The following ABLIM2 variants were observed in gnomAD, a reference collection of about 807,000 sequenced individuals.
The protein encoded by ABLIM2 is actin-binding LIM protein 2.
A neutral mutation model predicts 97.7 loss-of-function variants in ABLIM2; 53 were observed. The ratio of observed to expected loss-of-function variants is 0.54; its 90% CI spans 0.44 to 0.68. ABLIM2 has a LOEUF of 0.68. ABLIM2 is among the 30% of genes least tolerant of loss of function. The pLI, the probability that ABLIM2 is intolerant of heterozygous loss-of-function variation, is 0.00. For missense variants in ABLIM2, 835 were observed against 867.2 expected, an observed-to-expected ratio of 0.96 and a Z score of 0.47; for synonymous variants, 361 against 345.8, an observed-to-expected ratio of 1.04 and a Z score of -0.49.
intron 1 of ABLIM2, among the ~76,000 whole-genome samples, chr4:8,154,052 TC>T (rs1180298462): frequency 6.8e-6 from 1 of 147,142 alleles, no homozygotes; most frequent in Non-Finnish European, 1.5e-5. Flanking sequence ...AAGCTCTGCC[TC>T]CCAGGTTCAC....
chr4:8,032,546 C>A lies in ABLIM2; in HGVS notation c.1048-2770G>T. 1.4e-6 allele frequency: 2 copies of A among 1,479,298 alleles called. No homozygotes were observed. Among genetic ancestry groups the A allele is most frequent in the Admixed American group, 1.8e-5 (1 of 55,976 alleles). 91.6% of individuals were successfully genotyped at this position (1,479,298 alleles called of 1,614,324 possible). On this transcript the variant is annotated intron_variant, in intron 10 of 20. Coordinates refer to ENST00000447017, the MANE Select transcript of ABLIM2 (RefSeq NM_001130083.2). The surrounding 1 kb of genome is among the most constrained non-coding windows in gnomAD (Gnocchi z 4.3). The stretch of plus-strand genomic sequence containing the variant: ...TGGCCCCGGGCCCCATGGTGAAGAG[C>A]CACCGAGGAGGCCCTTCCCGGGAGT...
At chr4:8,045,315 T>TC (rs2151757763) in intron 8 of ABLIM2, 74 bp from the exon 9 acceptor site, 1 of 1,342,786 alleles carries the variant, frequency 7.4e-7, no homozygotes, top group Admixed American at 1.7e-5. Flanking sequence ...TGTCAGGAGT[T>TC]CCACTCCAGC....
In ABLIM2 at chr4:7,965,352, C is replaced by T. The variant is rs910634895; in HGVS notation, c.*1638G>A. ...TTATAATGCATCGTCTTTTATTTTCCAGGCTTCCTGGGATCAGATATGACA... is the reference window on the plus strand; with the variant it reads ...TTATAATGCATCGTCTTTTATTTTCTAGGCTTCCTGGGATCAGATATGACA... On this transcript the variant is annotated 3_prime_UTR_variant, in exon 21 of 21. Coordinates refer to ENST00000447017, the MANE Select transcript of ABLIM2 (RefSeq NM_001130083.2). The T allele has an allele frequency of 6.6e-6, 1 of 152,662 alleles. No homozygotes were observed. Among genetic ancestry groups the T allele is most frequent in the African/African-American group, 2.4e-5 (1 of 41,464 alleles). The allele number at this position is 152,662 out of a possible 1,614,324, so 9.5% of individuals were successfully genotyped here.
chr4:8,021,471 A>G lies in ABLIM2; in HGVS notation c.1268-1168T>C, dbSNP rs140360857. Among the ~76,000 whole-genome samples, 2 of 152,316 alleles carry G rather than the reference A, an allele frequency of 1.3e-5. No individual in the cohort carries two copies. Among genetic ancestry groups the G allele is most frequent in the Admixed American group, 6.5e-5 (1 of 15,312 alleles). On this transcript the variant is annotated intron_variant, in intron 12 of 20. Transcript: ENST00000447017. This position sits in a 1 kb window ranked among gnomAD's most constrained non-coding sequence, Gnocchi z 5.5. ...CAGGAAGCCCCCTCAGCACTAGGCA[A>G]TGGGCTGCAAGGGGTAAGGCGCTCT...
intron 20 of ABLIM2, 123 bp from the exon 21 acceptor site, chr4:7,967,226 G>C (rs28409515): frequency 0.2 from 159,057 of 787,062 alleles, 17,660 homozygotes; most frequent in East Asian, 0.33. Flanking sequence ...GTGGCCCTCA[G>C]CGTGCTCGGC....
rs1211152563 is a variant in ABLIM2 at position 8,040,837 on chromosome 4, T to TGGAGCACGTGTCAGAATTG, written c.900+4308_900+4326dup. The stretch of plus-strand genomic sequence containing the variant: ...CAGGCTGGGTGCTGACCATGGTGCT[T>TGGAGCACGTGTCAGAATTG]GGAGCACGTGTCAGAATTGGGAGCA... On this transcript the variant is annotated intron_variant, in intron 9 of 20. Coordinates refer to ENST00000447017, the MANE Select transcript of ABLIM2 (RefSeq NM_001130083.2). Among the ~76,000 whole-genome samples the TGGAGCACGTGTCAGAATTG allele has an allele frequency of 8.5e-5, 13 of 152,264 alleles. No individual in the cohort carries two copies. In the East Asian group the frequency reaches 2.3e-3, roughly 27 times the overall value.
At chr4:8,117,216 T>C (rs939278210) in intron 1 of ABLIM2, among the ~76,000 whole-genome samples, 1 of 152,218 alleles carries the variant, frequency 6.6e-6, no homozygotes, top group Non-Finnish European at 1.5e-5. Context: ...TGGAAGCTTA[T>C]TGAGGTTTAG....
In ABLIM2 at chr4:8,061,079, T is replaced by C; in HGVS notation, c.676-25A>G. On this transcript the variant is annotated intron_variant, in intron 6 of 20. Coordinates refer to ENST00000447017, the MANE Select transcript of ABLIM2 (RefSeq NM_001130083.2). This position sits in a 1 kb window ranked among gnomAD's most constrained non-coding sequence, Gnocchi z 4.5. ...CCTGTAAGAAAAGCACAAAGCAGAATGTTTCTACTAAAGCCAGAAAGGTCG... is the reference window on the plus strand; with the variant it reads ...CCTGTAAGAAAAGCACAAAGCAGAACGTTTCTACTAAAGCCAGAAAGGTCG... 1.3e-6 allele frequency: 2 copies of C among 1,562,420 alleles called. No individual in the cohort carries two copies. The highest frequency in any genetic ancestry group is 1.7e-6 in the Non-Finnish European group (2 of 1,152,514).
rs374565693 is a variant in ABLIM2 at position 8,145,340 on chromosome 4, C to T, written c.10+13340G>A. On this transcript the variant is annotated intron_variant, in intron 1 of 20. Transcript: ENST00000447017. ...CTGGGATTACAGGCACACACCACCACGCCCAGCTAATTTTTGTATTTTTAG... is the reference window on the plus strand; with the variant it reads ...CTGGGATTACAGGCACACACCACCATGCCCAGCTAATTTTTGTATTTTTAG... Among the ~76,000 whole-genome samples, 99 of 152,218 alleles carry T rather than the reference C, an allele frequency of 6.5e-4. No homozygotes were observed. In the East Asian group the frequency reaches 0.015, roughly 23 times the overall value.
Position 8,016,695 on chromosome 4 carries a change from G to C in ABLIM2, c.1423+2923C>G, listed in dbSNP as rs532975199. Among the ~76,000 whole-genome samples, 6 of 152,274 alleles carry C rather than the reference G, an allele frequency of 3.9e-5. No individual in the cohort carries two copies. The East Asian group carries it at 1.2e-3, about 29-fold the overall frequency. Reference sequence around the variant, plus strand: ...GTGCTGGAGATAAAGACTGTCTCGAGGACTTTCCACAGTAACCTCACCAGA... The same window carrying C: ...GTGCTGGAGATAAAGACTGTCTCGACGACTTTCCACAGTAACCTCACCAGA... On this transcript the variant is annotated intron_variant, in intron 14 of 20. Transcript: ENST00000447017.
At chr4:7,979,103 C>A (rs1412543876) in intron 20 of ABLIM2, among the ~76,000 whole-genome samples, 2 of 152,228 alleles carry the variant, frequency 1.3e-5, no homozygotes, top group African/African-American at 4.8e-5. Context: ...TGCTGCCTGG[C>A]GTCCTCCTAC....
intron 1 of ABLIM2, among the ~76,000 whole-genome samples, chr4:8,110,148 A>C (rs767806818): frequency 5.9e-5 from 9 of 152,262 alleles, no homozygotes; most frequent in Admixed American, 1.3e-4. Context: ...TGATGCACCC[A>C]GTCCACATCT....
rs1821464851 is a variant in ABLIM2, at chr4:8,083,800, G to A, written c.455-2998C>T. 6.6e-6 allele frequency among the ~76,000 whole-genome samples: 1 copy of A among 152,192 alleles called. No homozygotes were observed. Among genetic ancestry groups the A allele is most frequent in the South Asian group, 2.1e-4 (1 of 4,834 alleles). ...CCCAATGTCAGCTGGCCACGTGCCCGTACATCCTGGTTGGCACTGCCATCA... is the reference window on the plus strand; with the variant it reads ...CCCAATGTCAGCTGGCCACGTGCCCATACATCCTGGTTGGCACTGCCATCA... On this transcript the variant is annotated intron_variant, in intron 4 of 20. Transcript: ENST00000447017. This position sits in a 1 kb window ranked among gnomAD's most constrained non-coding sequence, Gnocchi z 4.6.
intron 14 of ABLIM2, among the ~76,000 whole-genome samples, chr4:8,016,207 T>C (rs1769119901): frequency 6.6e-6 from 1 of 151,652 alleles, no homozygotes; most frequent in Non-Finnish European, 1.5e-5. Flanking sequence ...CCATGCCAGG[T>C]TAATTTTGGT....
intron 8 of ABLIM2, among the ~76,000 whole-genome samples, chr4:8,053,618 A>G (rs1797324850): frequency 6.6e-6 from 1 of 152,244 alleles, no homozygotes; most frequent in Non-Finnish European, 1.5e-5. Context: ...TCAGCAGGCC[A>G]GTCCACAAAG....
At chr4:7,969,730 G>GACAC (rs56236019) in intron 20 of ABLIM2, among the ~76,000 whole-genome samples, 1,977 of 139,676 alleles carry the variant, frequency 0.014, 59 homozygotes, top group Admixed American at 0.028. Context: ...CTCTCTCTCT[G>GACAC]ACACACACAC....
chr4:7,995,853 C>T (rs1283086325), intron 16 of ABLIM2, among the ~76,000 whole-genome samples: 1 of 152,188 alleles, frequency 6.6e-6, no homozygotes, highest in African/African-American at 2.4e-5. Flanking sequence ...CTCCCAGCCC[C>T]TCCTCGGCAC....
Position 8,142,062 on chromosome 4 carries a change from A to G in ABLIM2, c.10+16618T>C, listed in dbSNP as rs565910179. On this transcript the variant is annotated intron_variant, in intron 1 of 20. Coordinates refer to ENST00000447017, the MANE Select transcript of ABLIM2 (RefSeq NM_001130083.2). The stretch of plus-strand genomic sequence containing the variant: ...CCCACCTCCCTCCAGCTGCAAGCCC[A>G]GCCTCTAGTGGCGCAGCTGTTCGAG... 2.1e-4 allele frequency among the ~76,000 whole-genome samples: 32 copies of G among 152,328 alleles called. 1 individual carries two copies. In the South Asian group the frequency reaches 6.2e-3, roughly 30 times the overall value.
In ABLIM2 at chr4:8,032,448, G is replaced by C. The variant is rs1385208912; in HGVS notation, c.1048-2672C>G. 1.3e-5 allele frequency among the ~76,000 whole-genome samples: 2 copies of C among 152,184 alleles called. No homozygotes were observed. Among genetic ancestry groups the C allele is most frequent in the Non-Finnish European group, 2.9e-5 (2 of 68,032 alleles). On this transcript the variant is annotated intron_variant, in intron 10 of 20. Coordinates refer to ENST00000447017, the MANE Select transcript of ABLIM2 (RefSeq NM_001130083.2). The surrounding 1 kb of genome is among the most constrained non-coding windows in gnomAD (Gnocchi z 4.3). ...ATCCGCAGGGCTGGCAGACATATCG[G>C]GGAGGCATGCAAGTGCGGGGTGATC...
Sources: gnomAD v4.1 joint callset for allele counts (sites outside exome capture counted in the v4.1 genomes callset) on GRCh38, gnomAD v4.1.1 for gene constraint, Gnocchi (gnomAD v3.1) non-coding constraint, MANE v1.5 for transcripts, NCBI Gene and HGNC (gene_info 2026-07-23, HGNC 2026-07-21) for gene names.